Variants in PCDHA11 observed in about 807,000 individuals in gnomAD.
PCDHA11 encodes the protein protocadherin alpha 11, also known as protocadherin alpha-11.
In PCDHA11, 61 loss-of-function variants were observed where a neutral mutation model predicts 70.3. The observed-to-expected ratio is 0.87, with a 90% CI of 0.71 to 1.07. The LOEUF (loss-of-function observed/expected upper bound fraction) is 1.07. Ranked by LOEUF, PCDHA11 falls within the 50% of genes least tolerant of loss-of-function variation. The pLI, the probability that PCDHA11 is intolerant of heterozygous loss-of-function variation, is 0.00. For missense variants in PCDHA11, 1,324 were observed against 1,237.5 expected (o/e 1.07, Z -1.05); for synonymous variants, 633 against 555.1 (o/e 1.14, Z -1.97).
intron 1 of PCDHA11, among the ~76,000 whole-genome samples, chr5:140,897,713 A>C (rs2066278692): frequency 1.3e-5 from 2 of 152,302 alleles, no homozygotes; most frequent in East Asian, 3.9e-4. Flanking sequence ...CAGTAATGGG[A>C]TGGCTGGGTC....
intron 1 of PCDHA11, among the ~76,000 whole-genome samples, chr5:140,965,734 AT>A (rs2095929489): frequency 6.6e-6 from 1 of 152,220 alleles, no homozygotes; most frequent in Non-Finnish European, 1.5e-5. Flanking sequence ...ATTTTACCAG[AT>A]TTTCCCCATT....
chr5:140,961,639 G>A (rs2095626284), intron 1 of PCDHA11, among the ~76,000 whole-genome samples: 1 of 152,144 alleles, frequency 6.6e-6, no homozygotes, highest in East Asian at 1.9e-4. Flanking sequence ...ACAATCTTAA[G>A]TCTATGTGGT....
rs955565578 is a variant in PCDHA11, at chr5:141,012,291, T to C, written c.*2354T>C. 6 of 153,804 alleles carry C rather than the reference T, an allele frequency of 3.9e-5. No homozygotes were observed. The highest frequency in any genetic ancestry group is 9.6e-5 in the African/African-American group (4 of 41,478). The allele number at this position is 153,804 out of a possible 1,614,324, so 9.5% of individuals were successfully genotyped here. A position where few individuals can be genotyped will look rare whatever the true frequency, so the allele number is the denominator to read the frequency against. On this transcript the variant is annotated 3_prime_UTR_variant, in exon 4 of 4. Coordinates refer to ENST00000398640, the MANE Select transcript of PCDHA11 (RefSeq NM_018902.5). ...ACACGTCATGTGGATTCATTTTGAA[T>C]TGGTGCTATTGGTATTTCCTCTGTT...
At position 141,010,004 on chromosome 5, in the gene PCDHA11, A is replaced by T; in HGVS notation, c.*67A>T. 1 of 1,573,418 alleles carries T rather than the reference A, an allele frequency of 6.4e-7. No individual in the cohort carries two copies. The highest frequency in any genetic ancestry group is 8.6e-7 in the Non-Finnish European group (1 of 1,163,824). ...TAATGGCAAATCTCTCCCATGTAGC[A>T]ATTCCCTGCTCCTTTTTCCTATCTA... On this transcript the variant is annotated 3_prime_UTR_variant, in exon 4 of 4. Transcript: ENST00000398640.
intron 1 of PCDHA11, among the ~76,000 whole-genome samples, chr5:140,937,334 G>T (rs1459343291): frequency 3.3e-5 from 5 of 152,092 alleles, no homozygotes; most frequent in African/African-American, 1.2e-4. Flanking sequence ...ACCGCGCCCG[G>T]CTTCTTCCAT....
chr5:140,891,604 C>T (rs1554184885), intron 1 of PCDHA11, among the ~76,000 whole-genome samples: 2 of 152,172 alleles, frequency 1.3e-5, no homozygotes, highest in African/African-American at 4.8e-5. Flanking sequence ...CCATCTATTT[C>T]TACCTTTTAT....
At chr5:140,996,094 T>C (rs1428375932) in intron 3 of PCDHA11, among the ~76,000 whole-genome samples, 1 of 152,192 alleles carries the variant, frequency 6.6e-6, no homozygotes, top group Non-Finnish European at 1.5e-5. Flanking sequence ...CTAGATTACA[T>C]GGAATGGTAT....
At chr5:140,948,793 A>AT (rs1351130459) in intron 1 of PCDHA11, among the ~76,000 whole-genome samples, 1 of 150,328 alleles carries the variant, frequency 6.7e-6, no homozygotes, top group Non-Finnish European at 1.5e-5. Flanking sequence ...TTGTTGATAT[A>AT]TTTTCTATTG....
chr5:141,004,014 A>T (rs1294633411), intron 3 of PCDHA11, among the ~76,000 whole-genome samples: 40 of 152,222 alleles, frequency 2.6e-4, no homozygotes, highest in African/African-American at 9.4e-4. Context: ...GGCAGCACTG[A>T]AAGAAGAAAC....
intron 1 of PCDHA11, among the ~76,000 whole-genome samples, chr5:140,885,181 T>A (rs561922365): frequency 6.6e-6 from 1 of 152,330 alleles, no homozygotes; most frequent in African/African-American, 2.4e-5. Flanking sequence ...TCTAGGCACA[T>A]CAGTGTTCCC....
intron 1 of PCDHA11, among the ~76,000 whole-genome samples, chr5:140,936,526 C>T (rs183606913): frequency 6.6e-6 from 1 of 152,302 alleles, no homozygotes; most frequent in East Asian, 1.9e-4. Flanking sequence ...CCTGAAATTG[C>T]TTTTGAATAT....
At chr5:140,897,667 A>G (rs2066254740) in intron 1 of PCDHA11, among the ~76,000 whole-genome samples, 1 of 152,134 alleles carries the variant, frequency 6.6e-6, no homozygotes, top group Non-Finnish European at 1.5e-5. Context: ...ATGTGTCTTT[A>G]TAGCAGCATG....
At chr5:140,989,598 T>C (rs369591964) in intron 3 of PCDHA11, among the ~76,000 whole-genome samples, 431 of 152,260 alleles carry the variant, frequency 2.8e-3, no homozygotes, top group Middle Eastern at 6.8e-3. Flanking sequence ...CTGACACAAG[T>C]AAACTAAAAA....
intron 1 of PCDHA11, among the ~76,000 whole-genome samples, chr5:140,919,699 C>T (rs946203919): frequency 3.3e-5 from 5 of 152,084 alleles, no homozygotes; most frequent in African/African-American, 1.2e-4. Context: ...TTTATATTAA[C>T]TTAATTCTAG....
chr5:140,926,813 T>C, intron 1 of PCDHA11: 1 of 1,463,920 alleles, frequency 6.8e-7, no homozygotes, highest in East Asian at 2.5e-5. Flanking sequence ...CCGCGGCTCG[T>C]GCTCTCCAGG....
At chr5:140,906,963 G>C (rs150934602) in intron 1 of PCDHA11, among the ~76,000 whole-genome samples, 2 of 152,216 alleles carry the variant, frequency 1.3e-5, no homozygotes, top group African/African-American at 4.8e-5. Context: ...TAATGGAATC[G>C]TGGTTGTGTC....
rs77940063 is a variant in PCDHA11, at chr5:140,966,638, T to G, written c.2392-12311T>G. Reference sequence around the variant, plus strand: ...ACGGAGGGAGCGGCCCCAGGCGCTTTCTAGAGCGTGAGCGGTGGGGGAGCA... The same window carrying G: ...ACGGAGGGAGCGGCCCCAGGCGCTTGCTAGAGCGTGAGCGGTGGGGGAGCA... On this transcript the variant is annotated intron_variant, in intron 1 of 3. Transcript: ENST00000398640. The G allele has an allele frequency of 3.9e-3, 4,251 of 1,090,104 alleles. 104 individuals carry two copies. The African/African-American group carries it at 0.057, about 15-fold the overall frequency. 67.5% of individuals were successfully genotyped at this position (1,090,104 alleles called of 1,614,324 possible).
intron 1 of PCDHA11, among the ~76,000 whole-genome samples, chr5:140,939,903 C>T (rs782506444): frequency 6.6e-6 from 1 of 152,046 alleles, no homozygotes; most frequent in African/African-American, 2.4e-5. Flanking sequence ...ATTCTGCATT[C>T]TTTTTTATTC....
At chr5:141,003,832 G>C (rs1261830894) in intron 3 of PCDHA11, among the ~76,000 whole-genome samples, 1 of 152,102 alleles carries the variant, frequency 6.6e-6, no homozygotes, top group Non-Finnish European at 1.5e-5. Flanking sequence ...TCTGCCTAAC[G>C]ATTCAGACCC....
Sources: gnomAD v4.1 joint callset for allele counts (sites outside exome capture counted in the v4.1 genomes callset) on GRCh38, gnomAD v4.1.1 for gene constraint, MANE v1.5 for transcripts, NCBI Gene and HGNC (gene_info 2026-07-23, HGNC 2026-07-21) for gene names.